Variants in HEMGN observed in about 807,000 individuals in gnomAD.
The protein encoded by HEMGN is hemogen, also known as erythroid differentiation-associated gene protein.
In HEMGN, 32 loss-of-function variants were observed where a neutral mutation model predicts 45.7. That is an observed-to-expected ratio of 0.70 (90% CI 0.53 to 0.94). The LOEUF is 0.94. Ranked by LOEUF, HEMGN falls within the 40% of genes least tolerant of loss-of-function variation. The probability of loss-of-function intolerance (pLI) is 0.00; values close to 1 mark genes in which losing one functional copy is unlikely to be tolerated. For missense variants in HEMGN, 530 were observed against 564.2 expected (o/e 0.94, Z 0.61); for synonymous variants, 183 against 178.6 (o/e 1.02, Z -0.20).
At chr9:97,928,079 T>G (rs867890868) in intron 3 of HEMGN, among the ~76,000 whole-genome samples, 387 of 148,566 alleles carry the variant, frequency 2.6e-3, no homozygotes, top group African/African-American at 9.2e-3. Flanking sequence ...CAGGCTGGAG[T>G]GCAGTGGCGC....
upstream of HEMGN, among the ~76,000 whole-genome samples, chr9:97,942,792 A>C (rs1342037420): frequency 6.6e-6 from 1 of 152,212 alleles, no homozygotes; most frequent in Admixed American, 6.5e-5. Context: ...AAGGGAGCAC[A>C]GGAAAAAATA....
chr9:97,936,238 TTC>T lies in HEMGN; in HGVS notation c.104_105del (p.Arg35LysfsTer6). On this transcript the variant is annotated frameshift_variant, in exon 2 of 4. Coordinates refer to ENST00000616898, the MANE Select transcript of HEMGN (RefSeq NM_197978.3). LOFTEE classifies it high-confidence loss of function. ...TTTCTTTTTCTAAGTAGTTCTCTGTTTCTCAAACTCCAGGTTCCAATGACTTC... is the reference window on the plus strand; with the variant it reads ...TTTCTTTTTCTAAGTAGTTCTCTGTTTCAAACTCCAGGTTCCAATGACTTC... ...SPEVIGTWSL[R>X]NRELLRKRKA... 6.2e-7 allele frequency: 1 copy of T among 1,611,792 alleles called. No individual in the cohort carries two copies. The highest frequency in any genetic ancestry group is 8.5e-7 in the Non-Finnish European group (1 of 1,178,626).
chr9:97,927,158 T>TATAC lies in HEMGN; in HGVS notation c.*222_*225dup, dbSNP rs1165587670. The TATAC allele has an allele frequency of 1.3e-5, 4 of 316,484 alleles. No individual in the cohort carries two copies. Among genetic ancestry groups the TATAC allele is most frequent in the African/African-American group, 5.3e-5 (2 of 37,798 alleles). The allele number at this position is 316,484 out of a possible 1,614,324, so 19.6% of individuals were successfully genotyped here. A position where few individuals can be genotyped will look rare whatever the true frequency, so the allele number is the denominator to read the frequency against. On this transcript the variant is annotated 3_prime_UTR_variant, in exon 4 of 4. Transcript: ENST00000616898. ...TCCCACCACTATCCTCTCCCCGACC[T>TATAC]ATACATACATACACACACACACACA...
intron 2 of HEMGN, among the ~76,000 whole-genome samples, chr9:97,933,911 C>G (rs1467931332): frequency 1.3e-5 from 2 of 152,174 alleles, no homozygotes; most frequent in Non-Finnish European, 2.9e-5. Flanking sequence ...GCCCAGCAAG[C>G]CCAGAAACCT....
chr9:97,929,157 G>A (rs1826894117), intron 3 of HEMGN, among the ~76,000 whole-genome samples: 1 of 152,234 alleles, frequency 6.6e-6, no homozygotes, highest in African/African-American at 2.4e-5. Flanking sequence ...TCAGGACGCT[G>A]TGTTGGTTAG....
intron 2 of HEMGN, among the ~76,000 whole-genome samples, chr9:97,935,019 G>C (rs1358603641): frequency 1.3e-5 from 2 of 152,196 alleles, no homozygotes; most frequent in African/African-American, 2.4e-5. Context: ...GGGAACCCTG[G>C]ATGCTGGCTG....
chr9:97,931,347 C>A, intron 2 of HEMGN, 126 bp from the exon 3 acceptor site: 1 of 663,664 alleles, frequency 1.5e-6, no homozygotes, highest in East Asian at 2.7e-5. Flanking sequence ...CTTAATCTCT[C>A]TGGGCCTCAA....
At chr9:97,932,839 G>A (rs1587853280) in intron 2 of HEMGN, among the ~76,000 whole-genome samples, 1 of 151,142 alleles carries the variant, frequency 6.6e-6, no homozygotes, top group East Asian at 1.9e-4. Flanking sequence ...AAAGATGATG[G>A]TTATGGCACC....
At chr9:97,942,671 A>G (rs1827169677), upstream of HEMGN, among the ~76,000 whole-genome samples, 1 of 152,138 alleles carries the variant, frequency 6.6e-6, no homozygotes, top group Non-Finnish European at 1.5e-5. Flanking sequence ...AGGTGTAAGT[A>G]TTGAGAATTT....
chr9:97,930,523 A>C lies in HEMGN; in HGVS notation c.872T>G (p.Ile291Arg), dbSNP rs748164340. 1.1e-5 allele frequency: 17 copies of C among 1,613,972 alleles called. No homozygotes were observed. In the South Asian group the frequency reaches 1.8e-4, roughly 17 times the overall value. The stretch of plus-strand genomic sequence containing the variant: ...AGGAAAAAGGCCTTCTGTCTCAGCT[A>C]TTCCTTGATCTGTTTCATTGTATTC... ...PEEYNETDQG[I>R]AETEGLFPKI... Residue 291 changes from isoleucine to arginine, a missense_variant, in exon 3 of 4, where the codon ATA (isoleucine) becomes AGA (arginine). Coordinates refer to ENST00000616898, the MANE Select transcript of HEMGN (RefSeq NM_197978.3).
chr9:97,932,778 TG>T (rs1789750379), intron 2 of HEMGN, among the ~76,000 whole-genome samples: 1 of 139,640 alleles, frequency 7.2e-6, no homozygotes, highest in African/African-American at 2.7e-5. Context: ...CACTCCAGCC[TG>T]GGTGACAGAA....
upstream of HEMGN, among the ~76,000 whole-genome samples, chr9:97,939,853 T>C (rs1217537369): frequency 6.6e-6 from 1 of 152,216 alleles, no homozygotes; most frequent in Non-Finnish European, 1.5e-5. Context: ...AATCTCTGTA[T>C]CTAAAAGTTC....
chr9:97,943,218 T>A (rs1303237567), intron 1 of HEMGN, among the ~76,000 whole-genome samples: 1 of 152,244 alleles, frequency 6.6e-6, no homozygotes, highest in Admixed American at 6.5e-5. Flanking sequence ...ACAGTGTTGA[T>A]AGTGATATTA....
Position 97,930,255 on chromosome 9 carries a change from A to C in HEMGN, c.1140T>G (p.Tyr380Ter), listed in dbSNP as rs1826917524. The change falls in exon 3 of 4, where the codon TAT becomes TAG. Residue 380 changes from tyrosine to a stop codon, truncating the protein, a stop_gained. Coordinates refer to ENST00000616898, the MANE Select transcript of HEMGN (RefSeq NM_197978.3). LOFTEE classifies it high-confidence loss of function. ...ATGTTTCTTGGTATATTTCAGGTGA[A>C]TATTCTTCAAGCCCAGGTATTTCTT... is the stretch of plus-strand genomic sequence containing the variant. ...TYQEIPGLEE[Y>*]SPEIYQETSQ... 6.2e-7 allele frequency: 1 copy of C among 1,613,988 alleles called. No individual in the cohort carries two copies. Among genetic ancestry groups the C allele is most frequent in the Non-Finnish European group, 8.5e-7 (1 of 1,180,016 alleles).
chr9:97,936,727 A>G (rs1587855204), intron 1 of HEMGN, among the ~76,000 whole-genome samples: 1 of 152,344 alleles, frequency 6.6e-6, no homozygotes, highest in East Asian at 1.9e-4. Context: ...TAGTCTTCAT[A>G]ATGATAATTT....
upstream of HEMGN, among the ~76,000 whole-genome samples, chr9:97,939,016 G>A (rs763596285): frequency 6.6e-6 from 1 of 152,156 alleles, no homozygotes; most frequent in Non-Finnish European, 1.5e-5. Context: ...CCCCATTTGT[G>A]AAGACAAGGA....
chr9:97,936,124 T>G (rs1299420166), intron 2 of HEMGN, 47 bp downstream of exon 2: 2 of 1,219,298 alleles, frequency 1.6e-6, no homozygotes, highest in South Asian at 2.4e-5. Context: ...ATGCATAACA[T>G]CCTCAATAAA....
At chr9:97,929,848 T>A (rs1826907072) in intron 3 of HEMGN, among the ~76,000 whole-genome samples, 187 bp downstream of exon 3, 1 of 152,234 alleles carries the variant, frequency 6.6e-6, no homozygotes, top group African/African-American at 2.4e-5. Flanking sequence ...CATTTTCAAT[T>A]TTTTTAACTC....
rs759043789 is a variant in HEMGN, at chr9:97,930,361, T to C, written c.1034A>G (p.Glu345Gly). The C allele has an allele frequency of 8.7e-6, 14 of 1,613,756 alleles. No homozygotes were observed. The highest frequency in any genetic ancestry group is 8.3e-5 in the Admixed American group (5 of 59,938). Residue 345 changes from glutamate (E) to glycine (G), a missense_variant, in exon 3 of 4, where the codon GAA becomes GGA. Transcript: ENST00000616898. Reference sequence around the variant, plus strand: ...TGAATAGTCTTCAGAATGAGGTGTTTCTTGGATTGTTTTATGAGAGGGGGC... The same window carrying C: ...TGAATAGTCTTCAGAATGAGGTGTTCCTTGGATTGTTTTATGAGAGGGGGC... ...PKAPSHKTIQ[E>G]TPHSEDYSIE... is the part of the protein sequence containing the mutation.
Sources: allele counts gnomAD v4.1 joint callset (sites outside exome capture counted in the v4.1 genomes callset), GRCh38; gene constraint gnomAD v4.1.1; transcripts MANE v1.5; gene names NCBI Gene and HGNC (gene_info 2026-07-23, HGNC 2026-07-21).